Variants in ST3GAL3 observed in about 807,000 individuals in gnomAD.
ST3GAL3 encodes ST3 beta-galactoside alpha-2,3-sialyltransferase 3.
ST3GAL3 carries 21 observed loss-of-function variants against 50.1 expected under a neutral mutation model. The observed-to-expected ratio is 0.42, with a 90% confidence interval of 0.30 to 0.60. The LOEUF is 0.60. Ranked by LOEUF, ST3GAL3 falls within the 20% of genes least tolerant of loss-of-function variation. The pLI is 0.19. For missense variants in ST3GAL3, 353 were observed against 489.4 expected, an observed-to-expected ratio of 0.72 and a Z score of 2.63; for synonymous variants, 183 against 190.0, an observed-to-expected ratio of 0.96 and a Z score of 0.30.
intron 3 of ST3GAL3, among the ~76,000 whole-genome samples, chr1:43,809,384 T>C (rs906356793): frequency 3.3e-5 from 5 of 152,016 alleles, no homozygotes; most frequent in South Asian, 2.1e-4. Flanking sequence ...CTAGAAGATA[T>C]AGCAATAGAA....
At chr1:43,754,886 G>A (rs1687479166) in intron 2 of ST3GAL3, among the ~76,000 whole-genome samples, 1 of 151,366 alleles carries the variant, frequency 6.6e-6, no homozygotes, top group Admixed American at 6.6e-5. Context: ...TGAGGTCAAG[G>A]CTGCACTCCA....
chr1:43,917,602 AT>A (rs2082189070), intron 9 of ST3GAL3, among the ~76,000 whole-genome samples: 1 of 15,322 alleles, frequency 6.5e-5, no homozygotes, highest in African/African-American at 1.4e-4. Flanking sequence ...TAATATATAT[AT>A]TATATATTAT....
rs926256554 is a variant in ST3GAL3, at chr1:43,743,424, G to A, written c.118+7044G>A. 9 of 322,416 alleles carry A rather than the reference G, an allele frequency of 2.8e-5. No homozygotes were observed. In the Admixed American group the frequency reaches 3.0e-4, roughly 11 times the overall value. The allele number at this position is 322,416 out of a possible 1,614,324, so 20.0% of individuals were successfully genotyped here. A position where few individuals can be genotyped will look rare whatever the true frequency, so the allele number is the denominator to read the frequency against. On this transcript the variant is annotated intron_variant, in intron 2 of 11. Transcript: ENST00000347631. ...TGAAGCAGCAACTGATATCTCTGGT[G>A]TTCCCTGTGGCCCATGAAATGCCAA...
At chr1:43,729,932 C>T (rs989318527) in intron 1 of ST3GAL3, among the ~76,000 whole-genome samples, 2 of 119,218 alleles carry the variant, frequency 1.7e-5, no homozygotes, top group Non-Finnish European at 3.7e-5. Flanking sequence ...TCCCTTCCAC[C>T]ACCAGTAATG....
chr1:43,924,837 T>C (rs1431755822), intron 11 of ST3GAL3, among the ~76,000 whole-genome samples: 1 of 152,250 alleles, frequency 6.6e-6, no homozygotes, highest in Non-Finnish European at 1.5e-5. Flanking sequence ...GGTGCAGGAA[T>C]GAGGTAGGGC....
chr1:43,909,978 A>C (rs2080511075), intron 9 of ST3GAL3, among the ~76,000 whole-genome samples: 1 of 152,240 alleles, frequency 6.6e-6, no homozygotes, highest in Non-Finnish European at 1.5e-5. Context: ...ATTATCCTAC[A>C]TGATGCTGCC....
chr1:43,814,658 G>A (rs1437570644), intron 3 of ST3GAL3, among the ~76,000 whole-genome samples: 1 of 152,208 alleles, frequency 6.6e-6, no homozygotes, highest in Non-Finnish European at 1.5e-5. Flanking sequence ...TACCAACATA[G>A]GACTGGCTGC....
chr1:43,926,291 A>G (rs1355811209), intron 11 of ST3GAL3, among the ~76,000 whole-genome samples: 5 of 152,190 alleles, frequency 3.3e-5, no homozygotes, highest in Non-Finnish European at 7.3e-5. Context: ...CGAGGAGCCA[A>G]AGAAAAAGAG....
intron 9 of ST3GAL3, chr1:43,911,145 CTT>C (rs66935435): frequency 0.039 from 5,509 of 143,016 alleles, 134 homozygotes; most frequent in African/African-American, 0.085. Flanking sequence ...GCACAGACTT[CTT>C]TTTTTTTTTT....
intron 2 of ST3GAL3, among the ~76,000 whole-genome samples, chr1:43,755,673 G>C (rs72884997): frequency 0.012 from 1,871 of 152,184 alleles, 40 homozygotes; most frequent in African/African-American, 0.043. Flanking sequence ...AAACTATATG[G>C]ACGAGACTTA....
At chr1:43,825,960 C>G (rs997385787) in intron 4 of ST3GAL3, among the ~76,000 whole-genome samples, 6 of 151,952 alleles carry the variant, frequency 3.9e-5, no homozygotes, top group African/African-American at 1.5e-4. Context: ...ACATACTAAT[C>G]CATAGATATT....
chr1:43,921,007 A>G, intron 11 of ST3GAL3, 79 bp downstream of exon 11: 1 of 1,518,340 alleles, frequency 6.6e-7, no homozygotes. Context: ...GGGAGGAGCC[A>G]GTGGCTGGTC....
chr1:43,835,562 C>T, intron 4 of ST3GAL3, among the ~76,000 whole-genome samples: 1 of 152,178 alleles, frequency 6.6e-6, no homozygotes, highest in East Asian at 1.9e-4. Context: ...GCCTGCTGGG[C>T]TCCAGCTCCC....
chr1:43,826,663 T>C (rs1249448308), intron 4 of ST3GAL3, among the ~76,000 whole-genome samples: 5 of 152,168 alleles, frequency 3.3e-5, no homozygotes, highest in African/African-American at 1.2e-4. Context: ...CGGACCAATA[T>C]CTCTCATGAA....
At chr1:43,788,550 C>T (rs1000215178) in intron 2 of ST3GAL3, among the ~76,000 whole-genome samples, 4 of 152,184 alleles carry the variant, frequency 2.6e-5, no homozygotes, top group African/African-American at 7.2e-5. Flanking sequence ...AGGACAAGCA[C>T]ACTTCAGGAC....
intron 2 of ST3GAL3, among the ~76,000 whole-genome samples, chr1:43,787,192 G>A (rs975901078): frequency 3.9e-5 from 6 of 152,184 alleles, no homozygotes; most frequent in Non-Finnish European, 8.8e-5. Flanking sequence ...AATTCAGTTT[G>A]GTCACTTGTA....
intron 5 of ST3GAL3, among the ~76,000 whole-genome samples, chr1:43,862,399 C>G (rs2154234910): frequency 6.6e-6 from 1 of 152,332 alleles, no homozygotes; most frequent in South Asian, 2.1e-4. Flanking sequence ...TCTTACCCTC[C>G]ATCACCACTT....
intron 2 of ST3GAL3, among the ~76,000 whole-genome samples, chr1:43,740,138 C>T (rs1263462172): frequency 1.3e-5 from 2 of 151,712 alleles, no homozygotes; most frequent in African/African-American, 4.8e-5. Context: ...CCGAGGTGGG[C>T]GGATCATGAG....
At chr1:43,920,067 C>T (rs900883477) in intron 9 of ST3GAL3, 8 of 383,640 alleles carry the variant, frequency 2.1e-5, no homozygotes, top group Non-Finnish European at 2.5e-5. Flanking sequence ...AGGGCAGCTG[C>T]ACTGCTGGGT....
Sources: allele counts gnomAD v4.1 joint callset (sites outside exome capture counted in the v4.1 genomes callset), GRCh38; gene constraint gnomAD v4.1.1; transcripts MANE v1.5; gene names NCBI Gene and HGNC (gene_info 2026-07-23, HGNC 2026-07-21).